MTA3: variants seen among roughly 807,000 people sequenced by gnomAD.
The protein encoded by MTA3 is metastasis associated 1 family member 3.
Under a neutral mutation model 83.5 loss-of-function variants are expected in MTA3, and 34 were observed. The observed-to-expected ratio is 0.41, with a 90% CI of 0.31 to 0.54. The LOEUF is 0.54. Ranked by LOEUF, MTA3 falls within the 20% of genes least tolerant of loss-of-function variation. The probability of loss-of-function intolerance (pLI) is 0.33; values close to 1 mark genes in which losing one functional copy is unlikely to be tolerated. For missense variants in MTA3, 761 were observed against 726.4 expected (o/e 1.05, Z -0.55); for synonymous variants, 303 against 252.7 (o/e 1.20, Z -1.89).
intron 4 of MTA3, among the ~76,000 whole-genome samples, chr2:42,628,203 TCG>T (rs1453245656): frequency 2.8e-5 from 4 of 142,046 alleles, no homozygotes; most frequent in Non-Finnish European, 6.0e-5. Context: ...TTTCTTCTTA[TCG>T]TTTTATTTAT....
At chr2:42,620,834 T>C (rs1685451881) in intron 4 of MTA3, among the ~76,000 whole-genome samples, 1 of 152,228 alleles carries the variant, frequency 6.6e-6, no homozygotes, top group Non-Finnish European at 1.5e-5. Context: ...AATCGTGAGC[T>C]GAACTAGCTG....
intron 2 of MTA3, among the ~76,000 whole-genome samples, chr2:42,547,864 A>G (rs182756260): frequency 2.8e-3 from 429 of 152,106 alleles, no homozygotes; most frequent in Non-Finnish European, 5.1e-3. Flanking sequence ...TGTGGTCCTG[A>G]CTTAGCTATT....
chr2:42,621,378 C>A (rs776966066), intron 4 of MTA3, among the ~76,000 whole-genome samples: 2 of 152,062 alleles, frequency 1.3e-5, no homozygotes, highest in African/African-American at 2.4e-5. Flanking sequence ...CAAAGCACAT[C>A]TTGCACCGCC....
At chr2:42,606,074 C>T (rs867235720) in intron 3 of MTA3, among the ~76,000 whole-genome samples, 21 of 128,008 alleles carry the variant, frequency 1.6e-4, no homozygotes, top group African/African-American at 5.9e-4. Context: ...GGGGGGCTGA[C>T]CCCCCCTCTC....
At chr2:42,662,722 T>C (rs1213729167) in intron 8 of MTA3, among the ~76,000 whole-genome samples, 2 of 143,426 alleles carry the variant, frequency 1.4e-5, no homozygotes, top group Non-Finnish European at 3.0e-5. Context: ...CTAACTATAT[T>C]ATATAAATAC....
At position 42,729,974 on chromosome 2, in the gene MTA3, A is replaced by G. The variant is rs149635713; in HGVS notation, c.1759+6939A>G. The stretch of plus-strand genomic sequence containing the variant: ...GGTGTCCTCTTCAATTTCTTGCATC[A>G]GTGGTTTATAGTTTTCATTGTAGAG... On this transcript the variant is annotated intron_variant, in intron 16 of 16. Transcript: ENST00000405094. Among the ~76,000 whole-genome samples the G allele has an allele frequency of 1.7e-3, 266 of 152,216 alleles. 1 individual carries two copies. The highest frequency in any genetic ancestry group is 5.9e-3 in the African/African-American group (244 of 41,550).
chr2:42,559,615 A>T lies in MTA3; in HGVS notation c.-140-10822A>T, dbSNP rs370026700. On this transcript the variant is annotated intron_variant, in intron 2 of 17. Transcript: ENST00000405592. ...TATCTCTGGCCAGGCGCAGTGGCTC[A>T]CGCCTGTAATCCCAGCACTTTGGGA... is the stretch of plus-strand genomic sequence containing the variant. 2.6e-5 allele frequency among the ~76,000 whole-genome samples: 4 copies of T among 151,950 alleles called. No individual in the cohort carries two copies. In the East Asian group the frequency reaches 7.8e-4, roughly 29 times the overall value.
chr2:42,560,179 C>T (rs142691937), intron 2 of MTA3, among the ~76,000 whole-genome samples: 16,493 of 152,086 alleles, frequency 0.11, 999 homozygotes, highest in South Asian at 0.17. Flanking sequence ...CACGCCACCA[C>T]GCCCGGCTAA....
chr2:42,581,764 AT>A, intron 3 of MTA3: 2 of 290,290 alleles, frequency 6.9e-6, no homozygotes, highest in South Asian at 3.0e-5. Context: ...AAAGTATTTT[AT>A]TTTATTTTTA....
At chr2:42,556,255 G>A (rs1378706206) in intron 2 of MTA3, among the ~76,000 whole-genome samples, 5 of 152,004 alleles carry the variant, frequency 3.3e-5, no homozygotes, top group Admixed American at 2.0e-4. Context: ...AGAGTCTCCC[G>A]AAAGCCTATA....
chr2:42,641,814 C>T (rs905631279), intron 5 of MTA3, among the ~76,000 whole-genome samples: 5 of 151,798 alleles, frequency 3.3e-5, no homozygotes, highest in South Asian at 2.1e-4. Context: ...TGCAGTGAGC[C>T]GAGATCGCGC....
chr2:42,704,100 T>C, intron 11 of MTA3, 94 bp from the exon 12 acceptor site: 1 of 1,353,968 alleles, frequency 7.4e-7, no homozygotes, highest in Middle Eastern at 2.1e-4. Flanking sequence ...TTTGTTTATG[T>C]TTATTAAATA....
At chr2:42,697,059 G>T (rs1693453385) in intron 10 of MTA3, among the ~76,000 whole-genome samples, 2 of 152,152 alleles carry the variant, frequency 1.3e-5, no homozygotes, top group Non-Finnish European at 2.9e-5. Context: ...TCCTCATTGG[G>T]AAAATAGAAG....
At chr2:42,640,391 G>A (rs1400597124) in intron 5 of MTA3, among the ~76,000 whole-genome samples, 155 bp downstream of exon 5, 1 of 152,104 alleles carries the variant, frequency 6.6e-6, no homozygotes, top group Non-Finnish European at 1.5e-5. Flanking sequence ...ATGCATTCGG[G>A]TAAATTTGAT....
At chr2:42,752,407 T>C (rs1573860273) in intron 16 of MTA3, 1 of 374,832 alleles carries the variant, frequency 2.7e-6, no homozygotes, top group Non-Finnish European at 5.4e-6. Flanking sequence ...CCCACTTCCC[T>C]CCTAGCCACT....
At position 42,756,031 on chromosome 2, in the gene MTA3, G is replaced by A. The variant is rs1670215073; in HGVS notation, c.*2632G>A. On this transcript the variant is annotated 3_prime_UTR_variant, in exon 17 of 17. Coordinates refer to ENST00000405094, the MANE Select transcript of MTA3 (RefSeq NM_001330442.2). ...CTCTCAGGGCCCACCCAGGAAAATG[G>A]ATTTCAAGTGGGGGTTTTCATCCAG... 1 of 983,516 alleles carries A rather than the reference G, an allele frequency of 1.0e-6. No homozygotes were observed. Among genetic ancestry groups the A allele is most frequent in the Non-Finnish European group, 1.2e-6 (1 of 828,154 alleles). The allele number at this position is 983,516 out of a possible 1,614,324, so 60.9% of individuals were successfully genotyped here. A position where few individuals can be genotyped will look rare whatever the true frequency, so the allele number is the denominator to read the frequency against.
intron 2 of MTA3, among the ~76,000 whole-genome samples, chr2:42,522,237 TA>T (rs1360174283): frequency 6.6e-5 from 10 of 152,278 alleles, no homozygotes; most frequent in Middle Eastern, 3.4e-3. Context: ...CTGACTTTGA[TA>T]TGCAAAGAGG....
chr2:42,625,903 T>C (rs1269307555), intron 4 of MTA3, among the ~76,000 whole-genome samples: 1 of 151,452 alleles, frequency 6.6e-6, no homozygotes, highest in Non-Finnish European at 1.5e-5. Flanking sequence ...TATGCTGTAG[T>C]CTGTTCTCAA....
chr2:42,701,452 C>T (rs192990640), intron 11 of MTA3, among the ~76,000 whole-genome samples: 117 of 147,246 alleles, frequency 7.9e-4, no homozygotes, highest in South Asian at 4.5e-3. Flanking sequence ...AAATAAAGAG[C>T]CAGGCATGGT....
Sources: gnomAD v4.1 joint callset for allele counts (sites outside exome capture counted in the v4.1 genomes callset) on GRCh38, gnomAD v4.1.1 for gene constraint, MANE v1.5 for transcripts, NCBI Gene and HGNC (gene_info 2026-07-23, HGNC 2026-07-21) for gene names.